Variants in CPSF3 observed in about 807,000 individuals in gnomAD.
CPSF3 encodes the protein cleavage and polyadenylation specific factor 3.
In CPSF3, 57 loss-of-function variants were observed where a neutral mutation model predicts 84.1. The observed-to-expected ratio is 0.68, with a 90% CI of 0.55 to 0.85. The LOEUF (loss-of-function observed/expected upper bound fraction) is 0.85, where lower values mean the gene tolerates loss of function less well. Among genes scored for constraint, CPSF3 ranks in the 40% least tolerant of loss-of-function variants. CPSF3 has a pLI of 0.00. For synonymous variants in CPSF3, 275 were observed against 278.1 expected (o/e 0.99, Z 0.11); for missense variants, 522 against 838.8 (o/e 0.62, Z 4.66).
At chr2:9,455,957 A>G (rs1324990426) in intron 13 of CPSF3, among the ~76,000 whole-genome samples, 200 bp downstream of exon 13, 2 of 152,186 alleles carry the variant, frequency 1.3e-5, no homozygotes, top group Admixed American at 6.5e-5. Context: ...GGTCCTGGGA[A>G]AAAAATAAAA....
intron 15 of CPSF3, among the ~76,000 whole-genome samples, chr2:9,459,856 G>A (rs568018507): frequency 1.3e-5 from 2 of 151,682 alleles, no homozygotes; most frequent in Admixed American, 1.3e-4. Flanking sequence ...CACTGTGTTG[G>A]TCAGGCTGGT....
At chr2:9,424,788 A>C (rs1680305734) in intron 1 of CPSF3, 1 of 152,218 alleles carries the variant, frequency 6.6e-6, no homozygotes, top group African/African-American at 2.4e-5. Context: ...TTTGGAGAGA[A>C]TTACAGTGCA....
chr2:9,463,705 A>G (rs560567379), intron 15 of CPSF3, among the ~76,000 whole-genome samples: 2 of 152,302 alleles, frequency 1.3e-5, no homozygotes, highest in South Asian at 4.1e-4. Flanking sequence ...ACTTCTTCCT[A>G]TCCAAACTTG....
intron 15 of CPSF3, among the ~76,000 whole-genome samples, chr2:9,466,332 A>ACG (rs773381199): frequency 0.24 from 28,518 of 120,448 alleles, 2,660 homozygotes; most frequent in Middle Eastern, 0.36. Context: ...ACACAGACGC[A>ACG]CGCACACACG....
intron 12 of CPSF3, among the ~76,000 whole-genome samples, chr2:9,455,258 C>G (rs1266847012): frequency 6.6e-6 from 1 of 152,068 alleles, no homozygotes; most frequent in East Asian, 1.9e-4. Flanking sequence ...GCCTCAGCCT[C>G]CCGAGTAGCT....
chr2:9,432,769 ATTCCCT>A, intron 5 of CPSF3, 81 bp downstream of exon 5: 1 of 1,115,332 alleles, frequency 9.0e-7, no homozygotes, highest in Non-Finnish European at 1.2e-6. Context: ...AAAAAAAAAA[ATTCCCT>A]AAGACTTGCA....
chr2:9,465,043 T>G (rs578246757), intron 15 of CPSF3, among the ~76,000 whole-genome samples: 4 of 152,246 alleles, frequency 2.6e-5, no homozygotes, highest in African/African-American at 7.2e-5. Flanking sequence ...AATTCACGAA[T>G]TAAAAAGAAT....
intron 13 of CPSF3, among the ~76,000 whole-genome samples, chr2:9,456,515 G>A (rs148070679): frequency 2.6e-5 from 4 of 152,156 alleles, no homozygotes; most frequent in African/African-American, 9.7e-5. Context: ...GAGGATGCTA[G>A]AAAGACCAGA....
chr2:9,428,677 G>T, intron 1 of CPSF3, 88 bp from the exon 2 acceptor site: 1 of 814,436 alleles, frequency 1.2e-6, no homozygotes, highest in Non-Finnish European at 2.1e-6. Flanking sequence ...CAGATGGCAT[G>T]TAGTGTACAT....
chr2:9,454,404 T>C (rs1389753313), intron 12 of CPSF3, among the ~76,000 whole-genome samples: 1 of 152,114 alleles, frequency 6.6e-6, no homozygotes, highest in Non-Finnish European at 1.5e-5. Flanking sequence ...CGAGACTCTG[T>C]CTCAAAAAAG....
At chr2:9,439,630 GTCTTTTGACGGTATATTACCCACTGCTT>G (rs764894646) in intron 7 of CPSF3, among the ~76,000 whole-genome samples, 4 of 152,144 alleles carry the variant, frequency 2.6e-5, no homozygotes, top group African/African-American at 4.8e-5. Flanking sequence ...CTTAACATAA[GTCTTTTGACGGTATATTACCCACTGCTT>G]TCTTTAATTA....
intron 15 of CPSF3, among the ~76,000 whole-genome samples, chr2:9,461,612 G>A (rs965036055): frequency 1.3e-5 from 2 of 151,792 alleles, no homozygotes; most frequent in African/African-American, 4.8e-5. Flanking sequence ...GGAGGTTGCA[G>A]TGAACAGAGA....
chr2:9,444,812 C>T (rs151273365), intron 10 of CPSF3, among the ~76,000 whole-genome samples: 12,335 of 151,976 alleles, frequency 0.081, 1,660 homozygotes, highest in African/African-American at 0.28. Flanking sequence ...ATTACAGGCA[C>T]GTGCCACCAC....
At chr2:9,451,164 C>T (rs1170129751) in intron 11 of CPSF3, among the ~76,000 whole-genome samples, 1 of 152,144 alleles carries the variant, frequency 6.6e-6, no homozygotes, top group Non-Finnish European at 1.5e-5. Flanking sequence ...TTCTGTTTCT[C>T]ACCCATAATT....
chr2:9,466,408 GCACACA>G (rs200497366), intron 15 of CPSF3, among the ~76,000 whole-genome samples: 6 of 140,012 alleles, frequency 4.3e-5, no homozygotes, highest in East Asian at 4.1e-4. Flanking sequence ...ACACGCACGC[GCACACA>G]CGCACACGCG....
At chr2:9,466,386 A>G (rs138041418) in intron 15 of CPSF3, among the ~76,000 whole-genome samples, 2 of 78,776 alleles carry the variant, frequency 2.5e-5, no homozygotes, top group South Asian at 4.8e-4. Flanking sequence ...GCACTCGCAC[A>G]CACGCGCACA....
Position 9,436,345 on chromosome 2 carries a change from G to A in CPSF3, c.744G>A (p.Glu248=), listed in dbSNP as rs1450583971. The change falls in exon 7 of 18, where the codon GAG becomes GAA. Residue 248 remains glutamate (E), a synonymous_variant. Transcript: ENST00000238112. ...IPVFALGRAQ[E]LLLILDEYWQ... ...TCTTTGCTCTTGGAAGGGCTCAGGAGCTGCTCTTGATTCTAGGTATGCCAT... is the reference window on the plus strand; with the variant it reads ...TCTTTGCTCTTGGAAGGGCTCAGGAACTGCTCTTGATTCTAGGTATGCCAT... The A allele has an allele frequency of 1.2e-6, 2 of 1,608,782 alleles. No homozygotes were observed. The highest frequency in any genetic ancestry group is 2.2e-5 in the East Asian group (1 of 44,854).
chr2:9,425,774 C>T (rs1459176735), intron 1 of CPSF3, among the ~76,000 whole-genome samples: 1 of 75,400 alleles, frequency 1.3e-5, no homozygotes, highest in African/African-American at 5.6e-5. Flanking sequence ...TCACAATTTA[C>T]ATACCATACA....
intron 14 of CPSF3, 150 bp downstream of exon 14, chr2:9,457,177 G>GTT: frequency 4.2e-6 from 2 of 478,248 alleles, no homozygotes. Context: ...GTGTGTGTGT[G>GTT]TGTGTGTGTG....
Sources: allele counts gnomAD v4.1 joint callset (sites outside exome capture counted in the v4.1 genomes callset), GRCh38; gene constraint gnomAD v4.1.1; transcripts MANE v1.5; gene names NCBI Gene and HGNC (gene_info 2026-07-23, HGNC 2026-07-21).